Variants in SYNDIG1 observed in about 807,000 individuals in gnomAD.
SYNDIG1 encodes the protein synapse differentiation inducing 1, also known as synapse differentiation-inducing gene protein 1.
SYNDIG1 carries 9 observed loss-of-function variants against 19.4 expected under a neutral mutation model. That is an observed-to-expected ratio of 0.46 (90% CI 0.28 to 0.81). SYNDIG1 has a LOEUF of 0.81. SYNDIG1 is among the 30% of genes least tolerant of loss of function. The probability of loss-of-function intolerance (pLI) is 0.12; values close to 1 mark genes in which losing one functional copy is unlikely to be tolerated. For synonymous variants in SYNDIG1, 141 were observed against 145.9 expected (o/e 0.97, Z 0.24); for missense variants, 311 against 343.3 (o/e 0.91, Z 0.74).
rs6049837 is a variant in SYNDIG1 at position 24,657,700 on chromosome 20, T to G, written c.619-7646T>G. ...TGTGAGACCCTTTGCCTGAGAAGCC[T>G]CCCGTTCCTATAGTTGCTGTTCAGC... On this transcript the variant is annotated intron_variant, in intron 3 of 3. Transcript: ENST00000376862. Among the ~76,000 whole-genome samples the G allele has an allele frequency of 8.2e-3, 1,247 of 152,142 alleles. 16 individuals are homozygous for G. The highest frequency in any genetic ancestry group is 0.028 in the African/African-American group (1,177 of 41,482).
At chr20:24,593,718 A>T (rs778962099) in intron 3 of SYNDIG1, among the ~76,000 whole-genome samples, 13 of 152,172 alleles carry the variant, frequency 8.5e-5, no homozygotes, top group South Asian at 2.1e-4. Context: ...TTGACATTTT[A>T]ATAATAGCCA....
intron 1 of SYNDIG1, among the ~76,000 whole-genome samples, chr20:24,471,602 TAA>T (rs11442019): frequency 7.5e-5 from 10 of 132,958 alleles, no homozygotes; most frequent in East Asian, 2.2e-4. Flanking sequence ...AGGGCCTTGT[TAA>T]AAAAAAAAAA....
chr20:24,583,287 C>T (rs2058360293), intron 2 of SYNDIG1, among the ~76,000 whole-genome samples: 1 of 152,206 alleles, frequency 6.6e-6, no homozygotes. Flanking sequence ...CGGGGTGGGC[C>T]CACCTGCACT....
At chr20:24,570,378 G>T (rs2058122658) in intron 2 of SYNDIG1, among the ~76,000 whole-genome samples, 2 of 152,140 alleles carry the variant, frequency 1.3e-5, no homozygotes, top group African/African-American at 4.8e-5. Flanking sequence ...TACACAATGG[G>T]AGAAAAATAT....
At chr20:24,501,614 C>A (rs1395904519) in intron 1 of SYNDIG1, among the ~76,000 whole-genome samples, 1 of 152,220 alleles carries the variant, frequency 6.6e-6, no homozygotes, top group East Asian at 1.9e-4. Flanking sequence ...CCATCAGTGA[C>A]ATACTTTGCC....
At chr20:24,584,338 C>T (rs1325927230) in intron 2 of SYNDIG1, among the ~76,000 whole-genome samples, 1 of 152,254 alleles carries the variant, frequency 6.6e-6, no homozygotes, top group African/African-American at 2.4e-5. Flanking sequence ...TCAGCCTTGC[C>T]TTGTCCTTGT....
At chr20:24,623,127 T>C (rs143297423) in intron 3 of SYNDIG1, among the ~76,000 whole-genome samples, 104 of 150,948 alleles carry the variant, frequency 6.9e-4, no homozygotes, top group African/African-American at 2.1e-3. Context: ...TGCAGTGAGC[T>C]GAGATCATGC....
chr20:24,548,036 C>T (rs184020441), intron 2 of SYNDIG1, among the ~76,000 whole-genome samples: 65 of 152,286 alleles, frequency 4.3e-4, no homozygotes, highest in African/African-American at 1.2e-3. Context: ...GGGAAGGGAA[C>T]GCTCATCGAT....
rs73902589 is a variant in SYNDIG1, at chr20:24,559,371, T to C, written c.480+15794T>C. Among the ~76,000 whole-genome samples, 998 of 152,234 alleles carry C rather than the reference T, an allele frequency of 6.6e-3. 11 individuals carry two copies. The highest frequency in any genetic ancestry group is 0.023 in the African/African-American group (942 of 41,524). On this transcript the variant is annotated intron_variant, in intron 2 of 3. Coordinates refer to ENST00000376862, the MANE Select transcript of SYNDIG1 (RefSeq NM_024893.3). ...GGTATGTAATTTGGGTGATGGATAT[T>C]CTAAAAAGCCATGACCTGACCACTA...
chr20:24,629,967 G>C (rs530506908), intron 3 of SYNDIG1, among the ~76,000 whole-genome samples: 1 of 152,284 alleles, frequency 6.6e-6, no homozygotes, highest in Admixed American at 6.5e-5. Context: ...TATACTTTGA[G>C]GTCATGCACA....
At chr20:24,619,677 A>G (rs1249302136) in intron 3 of SYNDIG1, among the ~76,000 whole-genome samples, 1 of 152,234 alleles carries the variant, frequency 6.6e-6, no homozygotes, top group Non-Finnish European at 1.5e-5. Flanking sequence ...TGTTGCCACT[A>G]TATAATAGCA....
At chr20:24,481,002 A>G (rs931945052) in intron 1 of SYNDIG1, among the ~76,000 whole-genome samples, 1 of 152,196 alleles carries the variant, frequency 6.6e-6, no homozygotes, top group African/African-American at 2.4e-5. Flanking sequence ...TTTAAAGGGT[A>G]TAGAGTTGCA....
chr20:24,554,627 A>G (rs906018059), intron 2 of SYNDIG1, among the ~76,000 whole-genome samples: 22 of 152,158 alleles, frequency 1.4e-4, no homozygotes, highest in African/African-American at 5.3e-4. Flanking sequence ...CGTGTATTGA[A>G]CCAGCCTTGC....
intron 1 of SYNDIG1, among the ~76,000 whole-genome samples, chr20:24,533,286 G>A (rs1397567667): frequency 6.6e-6 from 1 of 152,150 alleles, no homozygotes; most frequent in African/African-American, 2.4e-5. Flanking sequence ...CAGGCTGGGA[G>A]GCCTTCCAGC....
intron 2 of SYNDIG1, among the ~76,000 whole-genome samples, chr20:24,551,422 T>C (rs2057704431): frequency 6.6e-6 from 1 of 152,232 alleles, no homozygotes; most frequent in Non-Finnish European, 1.5e-5. Flanking sequence ...TTTGGATCTT[T>C]TCAAATAGCT....
At chr20:24,533,619 A>G (rs1343205882) in intron 1 of SYNDIG1, among the ~76,000 whole-genome samples, 1 of 151,984 alleles carries the variant, frequency 6.6e-6, no homozygotes, top group Non-Finnish European at 1.5e-5. Flanking sequence ...TTGTACAGCA[A>G]GTTGATCTCT....
chr20:24,640,926 C>G (rs574348535), intron 3 of SYNDIG1, among the ~76,000 whole-genome samples: 5 of 152,250 alleles, frequency 3.3e-5, no homozygotes, highest in Non-Finnish European at 5.9e-5. Flanking sequence ...CACAACTGTT[C>G]ACTCCAAAGT....
At chr20:24,630,808 AGTTAT>A (rs1308939652) in intron 3 of SYNDIG1, among the ~76,000 whole-genome samples, 1 of 152,220 alleles carries the variant, frequency 6.6e-6, no homozygotes, top group Non-Finnish European at 1.5e-5. Context: ...AAGAACCCTG[AGTTAT>A]AGAATGTCCC....
At position 24,651,824 on chromosome 20, in the gene SYNDIG1, TGCAACACTCACCCA is replaced by T. The variant is rs1370230741; in HGVS notation, c.619-13520_619-13507del. Among the ~76,000 whole-genome samples, 19 of 152,308 alleles carry T rather than the reference TGCAACACTCACCCA, an allele frequency of 1.2e-4. No individual in the cohort carries two copies. The East Asian group carries it at 3.7e-3, about 29-fold the overall frequency. ...CCAGGAGAAACTTGCAGCTTCCCCC[TGCAACACTCACCCA>T]GAGCCCTGAGCTGCCACACAGGAAG... On this transcript the variant is annotated intron_variant, in intron 3 of 3. Transcript: ENST00000376862.
Sources: allele counts gnomAD v4.1 joint callset (sites outside exome capture counted in the v4.1 genomes callset), GRCh38; gene constraint gnomAD v4.1.1; transcripts MANE v1.5; gene names NCBI Gene and HGNC (gene_info 2026-07-23, HGNC 2026-07-21).